The following ADGRL2 variants were observed in gnomAD, a reference collection of about 807,000 sequenced individuals.
ADGRL2 encodes calcium-independent alpha-latrotoxin receptor 2.
In ADGRL2, 44 loss-of-function variants were observed where a neutral mutation model predicts 157.4. That is an observed-to-expected ratio of 0.28 (90% CI 0.22 to 0.36). The LOEUF (loss-of-function observed/expected upper bound fraction) is 0.36, where lower values mean the gene tolerates loss of function less well. ADGRL2 is among the 10% of genes least tolerant of loss of function. ADGRL2 has a pLI of 1.00. For synonymous variants in ADGRL2, 585 were observed against 624.7 expected (o/e 0.94, Z 0.95); for missense variants, 1,510 against 1,768.9 (o/e 0.85, Z 2.63).
chr1:81,573,283 G>A (rs1224587992), intron 2 of ADGRL2, among the ~76,000 whole-genome samples: 1 of 152,038 alleles, frequency 6.6e-6, no homozygotes, highest in Non-Finnish European at 1.5e-5. Context: ...GCAGAGGACA[G>A]CCAAAAGACG....
chr1:81,713,100 G>T (rs945825330), intron 1 of ADGRL2, among the ~76,000 whole-genome samples: 1 of 151,984 alleles, frequency 6.6e-6, no homozygotes, highest in African/African-American at 2.4e-5. Context: ...AAAAAACCCC[G>T]ATATATAATG....
intron 1 of ADGRL2, among the ~76,000 whole-genome samples, chr1:81,748,760 CG>C (rs2085396825): frequency 6.6e-6 from 1 of 151,892 alleles, no homozygotes; most frequent in Admixed American, 6.6e-5. Flanking sequence ...CTCCACCTCC[CG>C]GGTTCAAACG....
In ADGRL2 at chr1:81,802,055, C is replaced by T. The variant is rs1272498418; in HGVS notation, c.-101+987C>T. On this transcript the variant is annotated intron_variant, in intron 1 of 23. Coordinates refer to ENST00000686636, the MANE Select transcript of ADGRL2 (RefSeq NM_001366006.2). Reference sequence around the variant, plus strand: ...AGCAGGAGGACGCGCCGAGCTGCGGCGCCGTGTCCGGCCGGGGAGCTGCGG... The same window carrying T: ...AGCAGGAGGACGCGCCGAGCTGCGGTGCCGTGTCCGGCCGGGGAGCTGCGG... Among the ~76,000 whole-genome samples, 3 of 150,338 alleles carry T rather than the reference C, an allele frequency of 2.0e-5. No individual in the cohort carries two copies. The East Asian group carries it at 5.9e-4, about 30-fold the overall frequency.
chr1:81,377,821 T>C (rs11163267), intron 1 of ADGRL2, among the ~76,000 whole-genome samples: 87,190 of 151,986 alleles, frequency 0.57, 25,891 homozygotes, highest in East Asian at 0.94. Context: ...ACATCTCTCA[T>C]GATTTTGTAC....
In ADGRL2 at chr1:81,472,630, T is replaced by G. The variant is rs556408020; in HGVS notation, c.-248+27541T>G. 2.7e-4 allele frequency among the ~76,000 whole-genome samples: 40 copies of G among 150,572 alleles called. 1 individual carries two copies. The East Asian group carries it at 7.6e-3, about 29-fold the overall frequency. ...CAGCCTGGGCGACAGAGCAAGACTC[T>G]GAAAAAAAAGGAAAGGAAAGGAAAG... On this transcript the variant is annotated intron_variant, in intron 2 of 24. Transcript: ENST00000370721.
At position 81,312,147 on chromosome 1, in the gene ADGRL2, A is replaced by C. The variant is rs142600204; in HGVS notation, c.-302+5638A>C. 5.6e-3 allele frequency among the ~76,000 whole-genome samples: 855 copies of C among 152,342 alleles called. 9 individuals carry two copies. Among genetic ancestry groups the C allele is most frequent in the African/African-American group, 0.019 (804 of 41,576 alleles). ...GAGTTAGGGTCCTAAGCAACGATGG[A>C]AGCAAAGAGAATGTAAGGTGGCTTT... On this transcript the variant is annotated intron_variant, in intron 1 of 24. Coordinates refer to the ADGRL2 transcript ENST00000370721.
At chr1:81,655,055 G>C (rs779718832) in intron 3 of ADGRL2, among the ~76,000 whole-genome samples, 1 of 152,044 alleles carries the variant, frequency 6.6e-6, no homozygotes, top group African/African-American at 2.4e-5. Flanking sequence ...TTCAAGCCTC[G>C]CCCCCCTGCG....
chr1:81,320,378 T>C (rs1227064666), intron 1 of ADGRL2, among the ~76,000 whole-genome samples: 1 of 152,238 alleles, frequency 6.6e-6, no homozygotes, highest in Non-Finnish European at 1.5e-5. Context: ...ATCATGAATG[T>C]CTTAATGGCA....
chr1:81,563,533 G>C (rs1424213754), intron 2 of ADGRL2, among the ~76,000 whole-genome samples: 1 of 148,150 alleles, frequency 6.7e-6, no homozygotes, highest in South Asian at 2.1e-4. Context: ...AATATGGCCT[G>C]TATGATGTAG....
At chr1:81,528,331 G>C (rs567298317) in intron 2 of ADGRL2, among the ~76,000 whole-genome samples, 1 of 152,058 alleles carries the variant, frequency 6.6e-6, no homozygotes, top group Admixed American at 6.6e-5. Context: ...TTAGATAGAA[G>C]GTAGCTGAGG....
intron 1 of ADGRL2, among the ~76,000 whole-genome samples, chr1:81,384,279 T>C (rs1054195939): frequency 1.3e-5 from 2 of 152,206 alleles, no homozygotes; most frequent in Non-Finnish European, 2.9e-5. Flanking sequence ...TGAGGAAGTA[T>C]GTTTTTAGGT....
chr1:81,467,237 A>T (rs77651951), intron 2 of ADGRL2, among the ~76,000 whole-genome samples: 1,547 of 152,282 alleles, frequency 0.01, 28 homozygotes, highest in East Asian at 0.065. Context: ...GCACTGCTGC[A>T]TAGGGAGAAT....
chr1:81,459,075 G>T (rs922011182), intron 2 of ADGRL2, among the ~76,000 whole-genome samples: 10 of 152,194 alleles, frequency 6.6e-5, no homozygotes, highest in African/African-American at 2.4e-4. Flanking sequence ...GTGTGGCTGA[G>T]TCCAGGGTTT....
At chr1:81,364,957 C>A (rs1257112270) in intron 1 of ADGRL2, among the ~76,000 whole-genome samples, 5 of 152,242 alleles carry the variant, frequency 3.3e-5, no homozygotes, top group African/African-American at 1.2e-4. Context: ...AGCCACTGCC[C>A]CCAGCCGGTA....
intron 2 of ADGRL2, among the ~76,000 whole-genome samples, chr1:81,843,991 T>C (rs991921606): frequency 6.6e-6 from 1 of 152,178 alleles, no homozygotes; most frequent in Non-Finnish European, 1.5e-5. Flanking sequence ...GAAAAAGTAT[T>C]GCAAACGTGT....
chr1:81,950,896 C>G, intron 7 of ADGRL2, 122 bp from the exon 8 acceptor site: 1 of 668,514 alleles, frequency 1.5e-6, no homozygotes, highest in East Asian at 2.6e-5. Context: ...CACTTATTGT[C>G]AAATACTTGC....
At chr1:81,760,433 C>A (rs1025814297) in intron 1 of ADGRL2, among the ~76,000 whole-genome samples, 1 of 152,072 alleles carries the variant, frequency 6.6e-6, no homozygotes, top group Non-Finnish European at 1.5e-5. Flanking sequence ...AAAACACATT[C>A]CTCATGGAAT....
intron 13 of ADGRL2, among the ~76,000 whole-genome samples, chr1:81,967,105 G>A (rs775600650): frequency 1.5e-4 from 23 of 152,118 alleles, no homozygotes; most frequent in African/African-American, 4.1e-4. Flanking sequence ...TGATACTTAC[G>A]TAACTACACT....
intron 3 of ADGRL2, among the ~76,000 whole-genome samples, chr1:81,645,946 T>C (rs536358119): frequency 6.6e-6 from 1 of 152,276 alleles, no homozygotes; most frequent in African/African-American, 2.4e-5. Context: ...ACTCTTCCCA[T>C]CAGCAAAGCT....
Sources: allele counts gnomAD v4.1 joint callset (sites outside exome capture counted in the v4.1 genomes callset), GRCh38; gene constraint gnomAD v4.1.1; transcripts MANE v1.5; gene names NCBI Gene and HGNC (gene_info 2026-07-23, HGNC 2026-07-21).